The following SGCZ variants were observed in gnomAD, a reference collection of about 807,000 sequenced individuals.
The protein encoded by SGCZ is sarcoglycan zeta, also known as zeta-sarcoglycan.
A neutral mutation model predicts 41.3 loss-of-function variants in SGCZ; 40 were observed. That is an observed-to-expected ratio of 0.97 (90% CI 0.75 to 1.26). SGCZ has a LOEUF of 1.26. Ranked by LOEUF, SGCZ falls within the 50% of genes most tolerant of loss-of-function variation. The pLI is 0.00. For missense variants in SGCZ, 552 were observed against 369.8 expected (o/e 1.49, Z -4.04); for synonymous variants, 206 against 137.5 (o/e 1.50, Z -3.49).
At chr8:15,088,804 G>C (rs564256825) in intron 1 of SGCZ, among the ~76,000 whole-genome samples, 3 of 152,212 alleles carry the variant, frequency 2.0e-5, no homozygotes, top group Admixed American at 1.3e-4. Context: ...ATGTGCTCCA[G>C]AAAACAATCA....
intron 3 of SGCZ, among the ~76,000 whole-genome samples, chr8:14,255,433 T>G (rs1799426335): frequency 6.6e-6 from 1 of 152,174 alleles, no homozygotes; most frequent in Non-Finnish European, 1.5e-5. Context: ...CCTTTTAGCT[T>G]ACTGCTTCTA....
chr8:14,822,600 A>G (rs1435307215), intron 1 of SGCZ, among the ~76,000 whole-genome samples: 1 of 152,208 alleles, frequency 6.6e-6, no homozygotes, highest in Non-Finnish European at 1.5e-5. Context: ...TATAGAAACC[A>G]AAACAGCATG....
chr8:14,815,904 G>C (rs1260585953), intron 1 of SGCZ, among the ~76,000 whole-genome samples: 1 of 152,090 alleles, frequency 6.6e-6, no homozygotes, highest in Non-Finnish European at 1.5e-5. Context: ...AAAGAATGCT[G>C]TCTACCTAAT....
chr8:14,838,762 T>G (rs1802793964), intron 1 of SGCZ, among the ~76,000 whole-genome samples: 1 of 152,202 alleles, frequency 6.6e-6, no homozygotes, highest in Non-Finnish European at 1.5e-5. Flanking sequence ...TGTTTTCTTG[T>G]GCCTCCCTTG....
At chr8:14,954,129 C>A (rs1433164933) in intron 1 of SGCZ, among the ~76,000 whole-genome samples, 1 of 152,146 alleles carries the variant, frequency 6.6e-6, no homozygotes, top group African/African-American at 2.4e-5. Flanking sequence ...CAGATAGATG[C>A]ATAATGTAGA....
At chr8:14,593,015 G>A (rs1189170012) in intron 1 of SGCZ, among the ~76,000 whole-genome samples, 1 of 152,062 alleles carries the variant, frequency 6.6e-6, no homozygotes, top group East Asian at 1.9e-4. Context: ...CTTTACATTG[G>A]TACTGAATTA....
chr8:14,372,440 G>C (rs1803948654), intron 2 of SGCZ, among the ~76,000 whole-genome samples: 1 of 152,116 alleles, frequency 6.6e-6, no homozygotes, highest in Non-Finnish European at 1.5e-5. Flanking sequence ...GTGAGCATGA[G>C]AGGATTTCTG....
intron 1 of SGCZ, among the ~76,000 whole-genome samples, chr8:14,801,202 A>G (rs1801310993): frequency 6.6e-6 from 1 of 152,170 alleles, no homozygotes; most frequent in South Asian, 2.1e-4. Flanking sequence ...GTGTATGTGT[A>G]CACAAACTCA....
At chr8:14,752,943 G>A (rs1291004588) in intron 1 of SGCZ, among the ~76,000 whole-genome samples, 1 of 152,130 alleles carries the variant, frequency 6.6e-6, no homozygotes, top group Non-Finnish European at 1.5e-5. Flanking sequence ...CTCTGAAATA[G>A]TAGGATAGTA....
chr8:14,283,478 T>C (rs185335346), intron 3 of SGCZ, among the ~76,000 whole-genome samples: 5 of 152,328 alleles, frequency 3.3e-5, no homozygotes, highest in African/African-American at 1.2e-4. Context: ...CTCTCGATTC[T>C]TACCTTGTAA....
chr8:14,645,547 T>A (rs2117441586), intron 1 of SGCZ, among the ~76,000 whole-genome samples: 1 of 145,832 alleles, frequency 6.9e-6, no homozygotes, highest in African/African-American at 2.5e-5. Flanking sequence ...ATGCTGTATA[T>A]TAGGAACAAA....
intron 2 of SGCZ, among the ~76,000 whole-genome samples, chr8:14,550,278 T>G (rs1430927018): frequency 6.6e-6 from 1 of 151,332 alleles, no homozygotes; most frequent in Non-Finnish European, 1.5e-5. Flanking sequence ...ATATAATGGT[T>G]GAATTGTATA....
chr8:14,946,106 A>G lies in SGCZ; in HGVS notation c.39+291479T>C, dbSNP rs1414561992. 5.2e-5 allele frequency among the ~76,000 whole-genome samples: 7 copies of G among 133,914 alleles called. No homozygotes were observed. The Admixed American group carries it at 5.6e-4, about 11-fold the overall frequency. 87.9% of individuals were successfully genotyped at this position (133,914 alleles called of 152,430 possible). On this transcript the variant is annotated intron_variant, in intron 1 of 7. Coordinates refer to ENST00000382080, the MANE Select transcript of SGCZ (RefSeq NM_139167.4). ...TGTCCTATAGGGGCTATCTCTCTCA[A>G]GAACCCTGACTAATACAACTACATT...
chr8:14,670,802 G>A (rs192159939), intron 1 of SGCZ, among the ~76,000 whole-genome samples: 1 of 152,136 alleles, frequency 6.6e-6, no homozygotes, highest in Non-Finnish European at 1.5e-5. Flanking sequence ...GGGACCTAAA[G>A]GTGTTTAATT....
chr8:14,362,971 TG>T (rs1396128222), intron 2 of SGCZ, among the ~76,000 whole-genome samples: 2 of 152,220 alleles, frequency 1.3e-5, no homozygotes, highest in African/African-American at 2.4e-5. Context: ...GTTTTTAAAA[TG>T]ACTTTACAGA....
intron 1 of SGCZ, among the ~76,000 whole-genome samples, chr8:15,075,955 A>T (rs1805514471): frequency 2.0e-5 from 3 of 152,260 alleles, no homozygotes; most frequent in South Asian, 4.1e-4. Context: ...CATTTTATGG[A>T]ATTACCAAGT....
chr8:14,479,739 T>C (rs1244764162), intron 2 of SGCZ, among the ~76,000 whole-genome samples: 27 of 23,428 alleles, frequency 1.2e-3, no homozygotes, highest in Non-Finnish European at 1.9e-3. Context: ...TTCTTTTTTT[T>C]TTTTTTTTTT....
intron 1 of SGCZ, among the ~76,000 whole-genome samples, chr8:15,026,269 G>T (rs1266458170): frequency 6.6e-6 from 1 of 152,014 alleles, no homozygotes; most frequent in East Asian, 1.9e-4. Context: ...TCTACTTCCT[G>T]AAAGAAATAC....
intron 1 of SGCZ, among the ~76,000 whole-genome samples, chr8:15,076,891 A>G (rs747614462): frequency 2.0e-5 from 3 of 152,110 alleles, no homozygotes; most frequent in Non-Finnish European, 2.9e-5. Context: ...ACTCAATAAC[A>G]AATACCATTT....
Sources: gnomAD v4.1 joint callset for allele counts (sites outside exome capture counted in the v4.1 genomes callset) on GRCh38, gnomAD v4.1.1 for gene constraint, MANE v1.5 for transcripts, NCBI Gene and HGNC (gene_info 2026-07-23, HGNC 2026-07-21) for gene names.